XYLT1: variants seen among roughly 807,000 people sequenced by gnomAD.
XYLT1 encodes beta-D-xylosyltransferase 1.
In XYLT1, 36 loss-of-function variants were observed where a neutral mutation model predicts 91.3. The observed-to-expected ratio is 0.39, with a 90% CI of 0.30 to 0.52. The LOEUF (loss-of-function observed/expected upper bound fraction) is 0.52. Ranked by LOEUF, XYLT1 falls within the 20% of genes least tolerant of loss-of-function variation. The pLI is 0.68. For missense variants in XYLT1, 1,242 were observed against 1,284.5 expected, an observed-to-expected ratio of 0.97 and a Z score of 0.51; for synonymous variants, 588 against 532.0, an observed-to-expected ratio of 1.11 and a Z score of -1.45.
chr16:17,166,727 G>T lies in XYLT1; in HGVS notation c.1290-7818C>A, dbSNP rs186110642. Among the ~76,000 whole-genome samples the T allele has an allele frequency of 1.4e-3, 200 of 145,450 alleles. 1 individual carries two copies. In the Middle Eastern group the frequency reaches 0.025, roughly 18 times the overall value. Reference sequence around the variant, plus strand: ...AGTAGAGATGGGGTTTCGTCATGTTGGCCAGGCTGGTCCTGACCTCAGGTG... The same window carrying T: ...AGTAGAGATGGGGTTTCGTCATGTTTGCCAGGCTGGTCCTGACCTCAGGTG... On this transcript the variant is annotated intron_variant, in intron 5 of 11. Coordinates refer to ENST00000261381, the MANE Select transcript of XYLT1 (RefSeq NM_022166.4).
intron 2 of XYLT1, among the ~76,000 whole-genome samples, chr16:17,327,123 TGTC>T (rs1391769948): frequency 3.3e-5 from 5 of 152,326 alleles, no homozygotes; most frequent in African/African-American, 1.2e-4. Context: ...ATTTGTGTAA[TGTC>T]ATCATCACAC....
At chr16:17,352,677 T>C (rs2035238697) in intron 2 of XYLT1, among the ~76,000 whole-genome samples, 1 of 152,192 alleles carries the variant, frequency 6.6e-6, no homozygotes. Flanking sequence ...CCCCACTACC[T>C]GGGAGATTTT....
intron 3 of XYLT1, among the ~76,000 whole-genome samples, chr16:17,219,221 C>T (rs576313740): frequency 1.5e-4 from 20 of 136,006 alleles, no homozygotes; most frequent in African/African-American, 4.2e-4. Flanking sequence ...GTGGAGGCTG[C>T]AGTGTGCTGA....
At chr16:17,291,423 G>T (rs1227488599) in intron 2 of XYLT1, among the ~76,000 whole-genome samples, 3 of 152,198 alleles carry the variant, frequency 2.0e-5, no homozygotes, top group Non-Finnish European at 4.4e-5. Context: ...GAGGCCCAGG[G>T]GTCCTGCCCA....
intron 1 of XYLT1, among the ~76,000 whole-genome samples, chr16:17,426,483 T>G (rs1434153458): frequency 1.3e-5 from 2 of 151,806 alleles, no homozygotes; most frequent in African/African-American, 4.8e-5. Flanking sequence ...GAGGCAGAGG[T>G]TGCAGTGAGC....
rs149952028 is a variant in XYLT1, at chr16:17,439,984, C to T, written c.363+30450G>A. 2.4e-3 allele frequency among the ~76,000 whole-genome samples: 362 copies of T among 152,314 alleles called. 2 individuals are homozygous for T. The highest frequency in any genetic ancestry group is 9.2e-3 in the Admixed American group (141 of 15,306). ...AGGTTTGGTTCTAAAAAGACTGCAG[C>T]GTATTAGGTGCATCTTAGGTGCTGT... is the stretch of plus-strand genomic sequence containing the variant. On this transcript the variant is annotated intron_variant, in intron 1 of 11. Coordinates refer to ENST00000261381, the MANE Select transcript of XYLT1 (RefSeq NM_022166.4).
chr16:17,218,247 G>C (rs1017885540), intron 3 of XYLT1, among the ~76,000 whole-genome samples: 1 of 151,916 alleles, frequency 6.6e-6, no homozygotes, highest in African/African-American at 2.4e-5. Context: ...ACAGAGTGAG[G>C]CTTCCTCTCA....
chr16:17,237,388 T>C (rs1468982470), intron 3 of XYLT1, among the ~76,000 whole-genome samples: 1 of 152,166 alleles, frequency 6.6e-6, no homozygotes, highest in African/African-American at 2.4e-5. Context: ...TTGGGGTGAC[T>C]CCTGCCCTCT....
chr16:17,157,173 C>G (rs1241069095), intron 6 of XYLT1, among the ~76,000 whole-genome samples: 1 of 152,088 alleles, frequency 6.6e-6, no homozygotes, highest in Non-Finnish European at 1.5e-5. Context: ...GCCTCGAACT[C>G]CAGACCTCAG....
intron 2 of XYLT1, among the ~76,000 whole-genome samples, chr16:17,296,410 A>G (rs974948011): frequency 2.6e-5 from 4 of 152,170 alleles, no homozygotes; most frequent in South Asian, 2.1e-4. Context: ...TGCTCCTTCC[A>G]GAAACCTACA....
intron 10 of XYLT1, among the ~76,000 whole-genome samples, chr16:17,126,920 T>C (rs2030282136): frequency 6.6e-6 from 1 of 152,216 alleles, no homozygotes; most frequent in Admixed American, 6.5e-5. Context: ...GTTCCAGCTC[T>C]CTTGTGAACA....
chr16:17,334,662 A>G (rs1341217601), intron 2 of XYLT1, among the ~76,000 whole-genome samples: 1 of 152,208 alleles, frequency 6.6e-6, no homozygotes, highest in East Asian at 1.9e-4. Context: ...TGAGAAGTAC[A>G]CATTTAAAAA....
chr16:17,207,363 G>A (rs2032670145), intron 3 of XYLT1, among the ~76,000 whole-genome samples: 1 of 152,066 alleles, frequency 6.6e-6, no homozygotes, highest in Admixed American at 6.6e-5. Context: ...CCTAGCCCAG[G>A]TTGGTTCTCT....
intron 2 of XYLT1, among the ~76,000 whole-genome samples, chr16:17,314,749 G>A (rs1022096625): frequency 6.6e-6 from 1 of 152,208 alleles, no homozygotes; most frequent in Non-Finnish European, 1.5e-5. Flanking sequence ...GAATAATTAT[G>A]ATTAACATTA....
At chr16:17,223,798 G>A (rs1230481286) in intron 3 of XYLT1, among the ~76,000 whole-genome samples, 1 of 152,178 alleles carries the variant, frequency 6.6e-6, no homozygotes, top group Non-Finnish European at 1.5e-5. Flanking sequence ...ACAGGTGGTG[G>A]GCTGGATTCA....
intron 5 of XYLT1, among the ~76,000 whole-genome samples, chr16:17,192,304 G>A (rs540269888): frequency 5.9e-5 from 9 of 151,736 alleles, no homozygotes; most frequent in Middle Eastern, 3.4e-3. Flanking sequence ...TTACCATATC[G>A]GCCAGGCTGG....
intron 2 of XYLT1, among the ~76,000 whole-genome samples, chr16:17,274,229 A>G (rs540656432): frequency 2.6e-5 from 4 of 152,352 alleles, no homozygotes; most frequent in African/African-American, 9.6e-5. Context: ...ATCTGTTTAT[A>G]AATTGCTGTC....
intron 3 of XYLT1, among the ~76,000 whole-genome samples, chr16:17,217,187 TAC>T (rs1239707135): frequency 3.9e-5 from 6 of 152,304 alleles, no homozygotes; most frequent in African/African-American, 1.4e-4. Flanking sequence ...GGGGCTCTGA[TAC>T]ACAGACAAGG....
chr16:17,393,449 CA>C (rs1251000174), intron 1 of XYLT1, among the ~76,000 whole-genome samples: 2 of 152,158 alleles, frequency 1.3e-5, no homozygotes, highest in Non-Finnish European at 2.9e-5. Flanking sequence ...TCATCCCCCC[CA>C]ACCACCCTCC....
Sources: allele counts gnomAD v4.1 joint callset (sites outside exome capture counted in the v4.1 genomes callset), GRCh38; gene constraint gnomAD v4.1.1; transcripts MANE v1.5; gene names NCBI Gene and HGNC (gene_info 2026-07-23, HGNC 2026-07-21).